The following PSD3 variants were observed in gnomAD, a reference collection of about 807,000 sequenced individuals.
PSD3 encodes pleckstrin and Sec7 domain containing 3.
PSD3 carries 49 observed loss-of-function variants against 105.5 expected under a neutral mutation model. The observed-to-expected ratio is 0.46, with a 90% CI of 0.37 to 0.59. The LOEUF (loss-of-function observed/expected upper bound fraction) is 0.59. Ranked by LOEUF, PSD3 falls within the 20% of genes least tolerant of loss-of-function variation. The pLI, the probability that PSD3 is intolerant of heterozygous loss-of-function variation, is 0.00. For missense variants in PSD3, 1,561 were observed against 1,263.8 expected, an observed-to-expected ratio of 1.24 and a Z score of -3.57; for synonymous variants, 557 against 457.8, an observed-to-expected ratio of 1.22 and a Z score of -2.77.
intron 4 of PSD3, among the ~76,000 whole-genome samples, chr8:18,811,310 T>C (rs1166130082): frequency 1.3e-5 from 2 of 152,192 alleles, no homozygotes; most frequent in Non-Finnish European, 2.9e-5. Context: ...ACTATCCATT[T>C]TGCTCCTGCC....
chr8:18,635,036 T>A (rs189661154), intron 10 of PSD3, among the ~76,000 whole-genome samples: 1 of 152,218 alleles, frequency 6.6e-6, no homozygotes, highest in Non-Finnish European at 1.5e-5. Context: ...TCTGTAAGTA[T>A]GGACACATGG....
exon 1 of PSD3, chr8:19,084,688 T>C: frequency 8.8e-6 from 3 of 341,270 alleles, no homozygotes; most frequent in South Asian, 2.2e-5. Flanking sequence ...TTCTTTTCCT[T>C]TGGAGCAGAG....
intron 10 of PSD3, among the ~76,000 whole-genome samples, chr8:18,644,434 T>C (rs917716885): frequency 6.6e-6 from 1 of 152,234 alleles, no homozygotes. Flanking sequence ...TGGACAAGAA[T>C]ACAATTCAGC....
chr8:18,968,831 G>T (rs966679567), intron 1 of PSD3, among the ~76,000 whole-genome samples: 2 of 138,328 alleles, frequency 1.4e-5, no homozygotes, highest in Non-Finnish European at 3.0e-5. Context: ...AGCCGAGATC[G>T]CGCCACTGCA....
intron 2 of PSD3, among the ~76,000 whole-genome samples, chr8:18,922,897 G>A (rs966812803): frequency 1.3e-5 from 2 of 152,108 alleles, no homozygotes; most frequent in African/African-American, 4.8e-5. Flanking sequence ...GCCCTCTCTG[G>A]ACACACCGCC....
At chr8:18,768,768 G>A (rs909950041) in intron 8 of PSD3, among the ~76,000 whole-genome samples, 2 of 152,064 alleles carry the variant, frequency 1.3e-5, no homozygotes, top group African/African-American at 4.8e-5. Flanking sequence ...CATTCAAGCT[G>A]TCTAAATAGT....
intron 1 of PSD3, among the ~76,000 whole-genome samples, chr8:19,083,367 G>A (rs528872917): frequency 6.6e-6 from 1 of 152,330 alleles, no homozygotes; most frequent in East Asian, 1.9e-4. Context: ...GGCCAGAAGT[G>A]CGGAGTGTGA....
At chr8:18,538,430 T>C (rs1330732020) in intron 15 of PSD3, among the ~76,000 whole-genome samples, 1 of 152,230 alleles carries the variant, frequency 6.6e-6, no homozygotes, top group Non-Finnish European at 1.5e-5. Context: ...ATAAAGATTC[T>C]AAACGCCTCT....
At chr8:19,079,642 G>A (rs764641144) in intron 1 of PSD3, among the ~76,000 whole-genome samples, 2 of 152,176 alleles carry the variant, frequency 1.3e-5, no homozygotes, top group African/African-American at 4.8e-5. Flanking sequence ...ACTCGTAATA[G>A]GGGACTTTAT....
Position 18,872,487 on chromosome 8 carries a change from T to C in PSD3, c.377A>G (p.Gln126Arg). The C allele has an allele frequency of 6.2e-7, 1 of 1,614,174 alleles. No homozygotes were observed. The highest frequency in any genetic ancestry group is 8.5e-7 in the Non-Finnish European group (1 of 1,180,022). Residue 126 changes from glutamine (Q) to arginine (R), a missense_variant, in exon 3 of 16, where the codon CAA becomes CGA. By Grantham distance (43) the Gln-to-Arg change is conservative (BLOSUM62 1). Coordinates refer to ENST00000327040, the MANE Select transcript of PSD3 (RefSeq NM_015310.4). ...CAAAGAGTCAATGGGCTGTAAACTT[T>C]GTTCCTTGAGATGACTTTGAGAGGG... ...EAPSQSHLKEQSLQPIDSLIS... is the reference protein window; with the variant it reads ...EAPSQSHLKERSLQPIDSLIS...
Position 18,970,829 on chromosome 8 carries a change from C to CCTGTAGTACCAACTACTTGGGAGG in PSD3, c.22-34711_22-34688dup, listed in dbSNP as rs1824603408. ...AATTAGCTGGGCGTGGCGGTGTGCA[C>CCTGTAGTACCAACTACTTGGGAGG]CTGTAGTACCAACTACTTGGGAGGC... On this transcript the variant is annotated intron_variant, in intron 1 of 15. Coordinates refer to ENST00000327040, the MANE Select transcript of PSD3 (RefSeq NM_015310.4). Among the ~76,000 whole-genome samples the CCTGTAGTACCAACTACTTGGGAGG allele has an allele frequency of 3.3e-5, 5 of 151,722 alleles. No individual in the cohort carries two copies. In the South Asian group the frequency reaches 1.0e-3, roughly 32 times the overall value.
intron 11 of PSD3, among the ~76,000 whole-genome samples, chr8:18,603,368 T>C (rs900615196): frequency 5.3e-5 from 8 of 152,238 alleles, no homozygotes; most frequent in Admixed American, 3.9e-4. Flanking sequence ...TTTATCTTTA[T>C]TGATCACTTC....
intron 9 of PSD3, among the ~76,000 whole-genome samples, chr8:18,698,308 G>A (rs1025531393): frequency 2.0e-5 from 3 of 152,048 alleles, no homozygotes; most frequent in African/African-American, 7.2e-5. Context: ...TTGTAGAGAT[G>A]AGGTCTCATT....
At chr8:18,927,172 T>C (rs751535221) in intron 2 of PSD3, among the ~76,000 whole-genome samples, 2 of 152,166 alleles carry the variant, frequency 1.3e-5, no homozygotes, top group Non-Finnish European at 2.9e-5. Flanking sequence ...CCTCCATGTG[T>C]TCAGCTACCC....
chr8:18,826,185 T>C (rs1470057328), intron 4 of PSD3, among the ~76,000 whole-genome samples: 2 of 152,176 alleles, frequency 1.3e-5, no homozygotes, highest in Non-Finnish European at 2.9e-5. Context: ...CAGACTACAA[T>C]CTAAATTATC....
At chr8:18,830,606 A>G (rs954904997) in intron 4 of PSD3, among the ~76,000 whole-genome samples, 4 of 152,330 alleles carry the variant, frequency 2.6e-5, no homozygotes, top group Middle Eastern at 6.8e-3. Flanking sequence ...TATCCAATCA[A>G]TCACTTTCAT....
chr8:18,851,695 G>C (rs898414610), intron 4 of PSD3, among the ~76,000 whole-genome samples: 5 of 152,270 alleles, frequency 3.3e-5, no homozygotes, highest in African/African-American at 1.2e-4. Context: ...TGCAGGGAGG[G>C]ACCGAGCTGC....
chr8:18,935,080 G>C (rs961209043), intron 2 of PSD3, among the ~76,000 whole-genome samples: 1 of 151,972 alleles, frequency 6.6e-6, no homozygotes, highest in Non-Finnish European at 1.5e-5. Flanking sequence ...TGGGGATAAC[G>C]GTACCAACTT....
chr8:18,579,484 G>A (rs1223603490), intron 12 of PSD3, among the ~76,000 whole-genome samples: 2 of 152,212 alleles, frequency 1.3e-5, no homozygotes, highest in South Asian at 2.1e-4. Context: ...ACTCTCTCGT[G>A]TTCCCTGCAA....
Sources: allele counts gnomAD v4.1 joint callset (sites outside exome capture counted in the v4.1 genomes callset), GRCh38; gene constraint gnomAD v4.1.1; transcripts MANE v1.5; gene names NCBI Gene and HGNC (gene_info 2026-07-23, HGNC 2026-07-21).